The following CARMIL1 variants were observed in gnomAD, a reference collection of about 807,000 sequenced individuals.
CARMIL1 encodes F-actin-uncapping protein LRRC16A.
In CARMIL1, 90 loss-of-function variants were observed where a neutral mutation model predicts 177.1. The observed-to-expected ratio is 0.51, with a 90% confidence interval of 0.43 to 0.61. The LOEUF is 0.61. Among genes scored for constraint, CARMIL1 ranks in the 20% least tolerant of loss-of-function variants. The pLI, the probability that CARMIL1 is intolerant of heterozygous loss-of-function variation, is 0.00. For missense variants in CARMIL1, 1,380 were observed against 1,667.0 expected, an observed-to-expected ratio of 0.83 and a Z score of 3.00; for synonymous variants, 577 against 606.2, an observed-to-expected ratio of 0.95 and a Z score of 0.71.
In CARMIL1 at chr6:25,337,501, A is replaced by G. The variant is rs902602844; in HGVS notation, c.138+52592A>G. On this transcript the variant is annotated intron_variant, in intron 2 of 36. Coordinates refer to ENST00000329474, the MANE Select transcript of CARMIL1 (RefSeq NM_017640.6). ...ACCAACTCTAAAAAATTGAATGTCA[A>G]GGTAATTGTCTTGTCACACAATGGT... Among the ~76,000 whole-genome samples, 4 of 152,358 alleles carry G rather than the reference A, an allele frequency of 2.6e-5. No homozygotes were observed. In the East Asian group the frequency reaches 7.7e-4, roughly 29 times the overall value.
Position 25,577,210 on chromosome 6 carries a change from G to A in CARMIL1, c.2743-3714G>A. On this transcript the variant is annotated intron_variant, in intron 29 of 36. Transcript: ENST00000329474. This position sits in a 1 kb window ranked among gnomAD's most constrained non-coding sequence, Gnocchi z 4.5. ...AGGCGATGAATTTAAAATATCTCCA[G>A]CCATGTGCCTGAAAGCAAGCAGAGT... The A allele has an allele frequency of 1.3e-6, 1 of 775,212 alleles. No individual in the cohort carries two copies. The highest frequency in any genetic ancestry group is 5.9e-5 in the South Asian group (1 of 17,072). The allele number at this position is 775,212 out of a possible 1,614,324, so 48.0% of individuals were successfully genotyped here. A position where few individuals can be genotyped will look rare whatever the true frequency, so the allele number is the denominator to read the frequency against.
chr6:25,353,893 C>T (rs894758271), intron 2 of CARMIL1, among the ~76,000 whole-genome samples: 3 of 152,146 alleles, frequency 2.0e-5, no homozygotes, highest in Non-Finnish European at 4.4e-5. Flanking sequence ...AGTGCTTCTC[C>T]GTTAGAAGAA....
chr6:25,560,333 G>T (rs929865435), intron 29 of CARMIL1, among the ~76,000 whole-genome samples: 17 of 152,044 alleles, frequency 1.1e-4, no homozygotes, highest in African/African-American at 3.4e-4. Context: ...GACACAGTGG[G>T]GAGGAAGATA....
At chr6:25,441,341 G>A (rs78691437) in intron 5 of CARMIL1, among the ~76,000 whole-genome samples, 2,005 of 70,380 alleles carry the variant, frequency 0.028, 34 homozygotes, top group African/African-American at 0.076. Context: ...ATATATATGT[G>A]TGTGTGTGTG....
chr6:25,529,718 GCA>G, intron 24 of CARMIL1, among the ~76,000 whole-genome samples: 1 of 40,422 alleles, frequency 2.5e-5, no homozygotes, highest in Admixed American at 3.1e-4. Context: ...ACTGCAGTCC[GCA>G]GTCCGGCCTG....
chr6:25,295,104 CAAT>C (rs1782283939), intron 2 of CARMIL1, among the ~76,000 whole-genome samples: 1 of 151,720 alleles, frequency 6.6e-6, no homozygotes, highest in African/African-American at 2.4e-5. Context: ...ATTACTAAAA[CAAT>C]AATAAAACAT....
chr6:25,464,044 G>T lies in CARMIL1; in HGVS notation c.615-1829G>T, dbSNP rs180801464. Among the ~76,000 whole-genome samples, 681 of 152,006 alleles carry T rather than the reference G, an allele frequency of 4.5e-3. 8 individuals carry two copies. Among genetic ancestry groups the T allele is most frequent in the African/African-American group, 0.015 (635 of 41,472 alleles). ...TCACCGTTTTAGCCAGGATGGTCTC[G>T]ATCTCCTGACCTCGTGATCCGCCCG... On this transcript the variant is annotated intron_variant, in intron 8 of 36. Coordinates refer to ENST00000329474, the MANE Select transcript of CARMIL1 (RefSeq NM_017640.6).
intron 3 of CARMIL1, among the ~76,000 whole-genome samples, chr6:25,424,814 G>T (rs1235050618): frequency 6.6e-6 from 1 of 152,122 alleles, no homozygotes; most frequent in Non-Finnish European, 1.5e-5. Flanking sequence ...TACTTTGCAA[G>T]TATTTTGCAG....
chr6:25,412,173 G>A (rs997503492), intron 2 of CARMIL1, among the ~76,000 whole-genome samples: 2 of 152,178 alleles, frequency 1.3e-5, no homozygotes, highest in African/African-American at 4.8e-5. Context: ...AACAGTAACA[G>A]ACACCATGTA....
At chr6:25,544,380 G>A (rs1373391580) in intron 26 of CARMIL1, among the ~76,000 whole-genome samples, 1 of 151,954 alleles carries the variant, frequency 6.6e-6, no homozygotes, top group Non-Finnish European at 1.5e-5. Flanking sequence ...GTGGTTGGGG[G>A]CAGGCAGGGA....
intron 2 of CARMIL1, among the ~76,000 whole-genome samples, chr6:25,292,446 C>G (rs1252002498): frequency 1.3e-5 from 2 of 152,168 alleles, no homozygotes; most frequent in Non-Finnish European, 2.9e-5. Flanking sequence ...TTAAGCACTT[C>G]ACAATTTACC....
chr6:25,542,632 A>G (rs1003930731), intron 26 of CARMIL1, among the ~76,000 whole-genome samples: 3 of 151,868 alleles, frequency 2.0e-5, no homozygotes, highest in African/African-American at 7.3e-5. Context: ...TCCTTTGGGG[A>G]TGTCTGGAAT....
At chr6:25,618,347 G>A (rs1759458377) in intron 36 of CARMIL1, among the ~76,000 whole-genome samples, 1 of 151,906 alleles carries the variant, frequency 6.6e-6, no homozygotes, top group South Asian at 2.1e-4. Flanking sequence ...GATGTAGTGT[G>A]TTCCTGGTTA....
intron 2 of CARMIL1, among the ~76,000 whole-genome samples, chr6:25,407,528 C>T (rs1165937123): frequency 6.6e-6 from 1 of 151,980 alleles, no homozygotes; most frequent in Non-Finnish European, 1.5e-5. Context: ...TCTGTTTTCT[C>T]TGTGAAGTAG....
At chr6:25,508,835 C>T (rs1805187244) in intron 17 of CARMIL1, among the ~76,000 whole-genome samples, 1 of 152,160 alleles carries the variant, frequency 6.6e-6, no homozygotes, top group African/African-American at 2.4e-5. Flanking sequence ...GCATCCTTCA[C>T]AATGCCTTAC....
chr6:25,576,976 ACTCT>A, intron 29 of CARMIL1: 1 of 982,424 alleles, frequency 1.0e-6, no homozygotes, highest in South Asian at 4.7e-5. Context: ...CTGCATGGAG[ACTCT>A]CTGCTGTACA....
chr6:25,436,365 C>G (rs747716131), intron 5 of CARMIL1, among the ~76,000 whole-genome samples: 1 of 152,162 alleles, frequency 6.6e-6, no homozygotes, highest in Non-Finnish European at 1.5e-5. Context: ...GCTCTCCCAG[C>G]AGGCAGAAGT....
chr6:25,473,786 A>C (rs954098575), intron 11 of CARMIL1, among the ~76,000 whole-genome samples: 4 of 152,226 alleles, frequency 2.6e-5, no homozygotes, highest in African/African-American at 9.6e-5. Context: ...CTTGGGGACT[A>C]TCTTAGAATT....
At chr6:25,507,793 C>G (rs750890645) in intron 17 of CARMIL1, among the ~76,000 whole-genome samples, 2 of 152,056 alleles carry the variant, frequency 1.3e-5, no homozygotes, top group Admixed American at 6.5e-5. Flanking sequence ...CAAAAGCATA[C>G]TTTTTTCTTG....
Sources: allele counts gnomAD v4.1 joint callset (sites outside exome capture counted in the v4.1 genomes callset), GRCh38; gene constraint gnomAD v4.1.1; non-coding constraint Gnocchi (gnomAD v3.1); transcripts MANE v1.5; gene names NCBI Gene and HGNC (gene_info 2026-07-23, HGNC 2026-07-21).